Variants in BCKDHB observed in about 807,000 individuals in gnomAD.
BCKDHB encodes branched chain keto acid dehydrogenase E1 subunit beta, also known as 2-oxoisovalerate dehydrogenase subunit beta, mitochondrial.
In BCKDHB, 41 loss-of-function variants were observed where a neutral mutation model predicts 48.5. The observed-to-expected ratio is 0.85, with a 90% CI of 0.66 to 1.10. The LOEUF (loss-of-function observed/expected upper bound fraction) is 1.10, where lower values mean the gene tolerates loss of function less well. BCKDHB is among the 50% of genes least tolerant of loss of function. The pLI is 0.00. For missense variants in BCKDHB, 496 were observed against 494.2 expected (o/e 1.00, Z -0.03); for synonymous variants, 201 against 174.8 (o/e 1.15, Z -1.18).
chr6:80,311,330 A>C (rs916224952), intron 9 of BCKDHB, among the ~76,000 whole-genome samples: 1 of 152,130 alleles, frequency 6.6e-6, no homozygotes, highest in Non-Finnish European at 1.5e-5. Context: ...CTTTATGAGC[A>C]ATGGGAAAAC....
chr6:80,412,473 A>G, the BCKDHB span, among the ~76,000 whole-genome samples: 7 of 152,164 alleles, frequency 4.6e-5, no homozygotes, highest in African/African-American at 9.6e-5. Flanking sequence ...TACACTATTC[A>G]TCTATTAACA....
At chr6:80,261,984 G>C (rs1777326115) in intron 8 of BCKDHB, among the ~76,000 whole-genome samples, 1 of 152,056 alleles carries the variant, frequency 6.6e-6, no homozygotes, top group South Asian at 2.1e-4. Flanking sequence ...CTCTCAATTT[G>C]TTTGCTGTGG....
chr6:80,259,366 C>T (rs573578558), intron 8 of BCKDHB, among the ~76,000 whole-genome samples: 1 of 152,178 alleles, frequency 6.6e-6, no homozygotes, highest in Non-Finnish European at 1.5e-5. Context: ...TAAAGTGATA[C>T]GCTTTGGCAT....
chr6:80,113,850 C>T (rs887522429), intron 1 of BCKDHB, among the ~76,000 whole-genome samples: 2 of 152,174 alleles, frequency 1.3e-5, no homozygotes, highest in Middle Eastern at 3.2e-3. Flanking sequence ...CTTTCCGCAA[C>T]CAATCAGAAG....
the BCKDHB span, among the ~76,000 whole-genome samples, chr6:80,414,694 T>G: frequency 6.6e-6 from 1 of 151,956 alleles, no homozygotes. Context: ...GTAACTTGAT[T>G]TCCAGCCGTG....
chr6:80,227,914 A>AT (rs1274571276), intron 8 of BCKDHB, among the ~76,000 whole-genome samples: 3 of 152,160 alleles, frequency 2.0e-5, no homozygotes, highest in Admixed American at 6.5e-5. Context: ...GGTTAGAAAT[A>AT]TTTTTTCTTA....
intron 1 of BCKDHB, among the ~76,000 whole-genome samples, chr6:80,114,196 C>T (rs898778135): frequency 1.3e-5 from 2 of 151,388 alleles, no homozygotes; most frequent in Non-Finnish European, 2.9e-5. Context: ...CCTATTCTGC[C>T]TCAAAGGAAA....
chr6:80,234,573 T>C (rs186606303), intron 8 of BCKDHB, among the ~76,000 whole-genome samples: 10 of 152,122 alleles, frequency 6.6e-5, no homozygotes, highest in Non-Finnish European at 1.5e-4. Context: ...AGAGGAATGC[T>C]CATACATTGT....
the BCKDHB span, among the ~76,000 whole-genome samples, chr6:80,438,587 C>A: frequency 3.9e-5 from 6 of 152,030 alleles, no homozygotes; most frequent in South Asian, 1.0e-3. Flanking sequence ...TTCCTCATAC[C>A]CTCATCAGCA....
chr6:80,315,518 C>T (rs191955625), intron 9 of BCKDHB, among the ~76,000 whole-genome samples: 1 of 152,144 alleles, frequency 6.6e-6, no homozygotes, highest in East Asian at 1.9e-4. Flanking sequence ...GCTGTATTTA[C>T]TCACCCCCCT....
At chr6:80,404,626 CTTT>C in the BCKDHB span, among the ~76,000 whole-genome samples, 3 of 151,838 alleles carry the variant, frequency 2.0e-5, no homozygotes, top group Non-Finnish European at 4.4e-5. Context: ...GTTTGTTCTT[CTTT>C]ATCTTCTTCC....
chr6:80,328,988 T>C (rs978385499), intron 9 of BCKDHB, among the ~76,000 whole-genome samples: 2 of 152,070 alleles, frequency 1.3e-5, no homozygotes. Context: ...CAATACATAA[T>C]CATTTAAAAA....
the BCKDHB span, among the ~76,000 whole-genome samples, chr6:80,446,958 T>A: frequency 6.8e-3 from 1,040 of 152,222 alleles, 12 homozygotes; most frequent in Non-Finnish European, 0.01. Context: ...ATTAGGCTAA[T>A]GCCCTCTGGA....
chr6:80,237,290 T>C (rs1371319060), intron 8 of BCKDHB, among the ~76,000 whole-genome samples: 1 of 152,174 alleles, frequency 6.6e-6, no homozygotes, highest in East Asian at 1.9e-4. Flanking sequence ...AACAGGGATG[T>C]CACTGAGGAT....
At chr6:80,265,625 G>A (rs761200393) in intron 8 of BCKDHB, among the ~76,000 whole-genome samples, 11 of 152,144 alleles carry the variant, frequency 7.2e-5, no homozygotes, top group Middle Eastern at 3.4e-3. Context: ...ACGGATGGTC[G>A]TGATGGTTGT....
At chr6:80,124,051 C>G (rs1770197375) in intron 1 of BCKDHB, among the ~76,000 whole-genome samples, 1 of 152,140 alleles carries the variant, frequency 6.6e-6, no homozygotes, top group Non-Finnish European at 1.5e-5. Flanking sequence ...TTTCCCTCTC[C>G]ACACTGCTTT....
At chr6:80,312,683 A>G (rs1214059458) in intron 9 of BCKDHB, among the ~76,000 whole-genome samples, 1 of 152,174 alleles carries the variant, frequency 6.6e-6, no homozygotes, top group Non-Finnish European at 1.5e-5. Flanking sequence ...ATCTATTGAG[A>G]TAATCATGTG....
chr6:80,258,480 T>C (rs1480963936), intron 8 of BCKDHB, among the ~76,000 whole-genome samples: 1 of 152,250 alleles, frequency 6.6e-6, no homozygotes, highest in African/African-American at 2.4e-5. Flanking sequence ...CACTGGCCTG[T>C]AGTTCTGTTG....
intron 8 of BCKDHB, among the ~76,000 whole-genome samples, chr6:80,224,689 T>C (rs1582393018): frequency 6.6e-6 from 1 of 152,202 alleles, no homozygotes; most frequent in Admixed American, 6.5e-5. Context: ...AGTGAGCCAC[T>C]GTGCCAGACC....
Sources: gnomAD v4.1 joint callset for allele counts (sites outside exome capture counted in the v4.1 genomes callset) on GRCh38, gnomAD v4.1.1 for gene constraint, MANE v1.5 for transcripts, NCBI Gene and HGNC (gene_info 2026-07-23, HGNC 2026-07-21) for gene names.